Variants in CNTN1 observed in about 807,000 individuals in gnomAD.
CNTN1 encodes contactin 1, also known as contactin-1.
In CNTN1, 38 loss-of-function variants were observed where a neutral mutation model predicts 126.4. That is an observed-to-expected ratio of 0.30 (90% CI 0.23 to 0.39). The LOEUF (loss-of-function observed/expected upper bound fraction) is 0.39. Ranked by LOEUF, CNTN1 falls within the 10% of genes least tolerant of loss-of-function variation. The pLI, the probability that CNTN1 is intolerant of heterozygous loss-of-function variation, is 1.00. For synonymous variants in CNTN1, 413 were observed against 422.6 expected, an observed-to-expected ratio of 0.98 and a Z score of 0.28; for missense variants, 1,009 against 1,248.4, an observed-to-expected ratio of 0.81 and a Z score of 2.89.
Position 41,070,349 on chromosome 12 carries a change from A to G in CNTN1, c.*314A>G. 3 of 410,776 alleles carry G rather than the reference A, an allele frequency of 7.3e-6. No homozygotes were observed. Among genetic ancestry groups the G allele is most frequent in the South Asian group, 6.6e-5 (3 of 45,312 alleles). The allele number at this position is 410,776 out of a possible 1,614,324, so 25.4% of individuals were successfully genotyped here. A position where few individuals can be genotyped will look rare whatever the true frequency, so the allele number is the denominator to read the frequency against. On this transcript the variant is annotated 3_prime_UTR_variant, in exon 24 of 24. Coordinates refer to ENST00000551295, the MANE Select transcript of CNTN1 (RefSeq NM_001843.4). ...GACAAGTTACAGTGTTCAATTCAAT[A>G]CTATAGGCTGTAGAGTGAAAGTCAA...
chr12:40,914,577 A>T (rs897084055), intron 3 of CNTN1, among the ~76,000 whole-genome samples: 2 of 152,200 alleles, frequency 1.3e-5, no homozygotes, highest in African/African-American at 4.8e-5. Context: ...AGAAAAATGA[A>T]TGTGACGTGA....
chr12:40,800,770 G>C (rs1303756411), intron 1 of CNTN1, among the ~76,000 whole-genome samples: 1 of 152,020 alleles, frequency 6.6e-6, no homozygotes, highest in Non-Finnish European at 1.5e-5. Context: ...CATTCTCAAA[G>C]AGCTGAGGAG....
intron 1 of CNTN1, among the ~76,000 whole-genome samples, chr12:40,745,196 T>G (rs889802300): frequency 1.3e-5 from 2 of 152,166 alleles, no homozygotes; most frequent in African/African-American, 4.8e-5. Flanking sequence ...CAGTTTCTCA[T>G]TTTTCCTTAT....
At chr12:40,976,268 A>C (rs1947667256) in intron 15 of CNTN1, among the ~76,000 whole-genome samples, 1 of 152,166 alleles carries the variant, frequency 6.6e-6, no homozygotes, top group South Asian at 2.1e-4. Context: ...AGAAAAACAG[A>C]AGACAAATTT....
At chr12:40,956,522 AG>A (rs1946886923) in intron 14 of CNTN1, among the ~76,000 whole-genome samples, 2 of 152,036 alleles carry the variant, frequency 1.3e-5, no homozygotes, top group Non-Finnish European at 2.9e-5. Flanking sequence ...GTGATAGGGG[AG>A]GGGGTATTGA....
In CNTN1 at chr12:40,862,989, T is replaced by C. The variant is rs192264615; in HGVS notation, c.-76-45368T>C. Among the ~76,000 whole-genome samples, 507 of 152,342 alleles carry C rather than the reference T, an allele frequency of 3.3e-3. 5 individuals carry two copies. The highest frequency in any genetic ancestry group is 0.012 in the African/African-American group (479 of 41,582). ...TTCTCTACCTTATTAAATGAAGATGTATTAAAGAAAGCATGTTTTAACTTT... is the reference window on the plus strand; with the variant it reads ...TTCTCTACCTTATTAAATGAAGATGCATTAAAGAAAGCATGTTTTAACTTT... On this transcript the variant is annotated intron_variant, in intron 1 of 23. Coordinates refer to ENST00000551295, the MANE Select transcript of CNTN1 (RefSeq NM_001843.4).
chr12:40,751,771 C>A (rs988468949), intron 1 of CNTN1, among the ~76,000 whole-genome samples: 1 of 152,190 alleles, frequency 6.6e-6, no homozygotes, highest in South Asian at 2.1e-4. Context: ...AGAGCCATAG[C>A]TTCTTCTCTG....
intron 15 of CNTN1, chr12:40,971,973 G>T (rs1235657074): frequency 4.0e-6 from 4 of 1,001,406 alleles, no homozygotes; most frequent in Admixed American, 6.1e-5. Context: ...GCTAAAAGGG[G>T]CATTACTCCG....
At chr12:40,975,435 T>TA (rs1440302893) in intron 15 of CNTN1, among the ~76,000 whole-genome samples, 2 of 151,884 alleles carry the variant, frequency 1.3e-5, no homozygotes, top group African/African-American at 4.8e-5. Flanking sequence ...TTTACTAGGT[T>TA]AAAAAGTGAC....
intron 1 of CNTN1, among the ~76,000 whole-genome samples, chr12:40,887,374 A>T (rs1193089958): frequency 6.6e-6 from 1 of 152,210 alleles, no homozygotes; most frequent in Non-Finnish European, 1.5e-5. Context: ...GACACTTCTC[A>T]AAAGAAGACA....
intron 23 of CNTN1, among the ~76,000 whole-genome samples, chr12:41,043,362 A>G (rs1949463798): frequency 6.6e-6 from 1 of 152,216 alleles, no homozygotes; most frequent in Non-Finnish European, 1.5e-5. Context: ...ACACTTCTCA[A>G]AAGAAGACAT....
At chr12:41,030,868 G>A (rs1340240788) in intron 23 of CNTN1, among the ~76,000 whole-genome samples, 1 of 152,042 alleles carries the variant, frequency 6.6e-6, no homozygotes, top group Non-Finnish European at 1.5e-5. Context: ...TCTTATTTTT[G>A]AAACATTTTC....
chr12:40,883,397 A>G (rs551765092), intron 1 of CNTN1, among the ~76,000 whole-genome samples: 38 of 151,732 alleles, frequency 2.5e-4, no homozygotes, highest in South Asian at 8.3e-4. Flanking sequence ...GTATTTCTCC[A>G]AACTTAAAGC....
In CNTN1 at chr12:41,070,090, T is replaced by C; in HGVS notation, c.*55T>C. 6.8e-7 allele frequency: 1 copy of C among 1,473,582 alleles called. No individual in the cohort carries two copies. Among genetic ancestry groups the C allele is most frequent in the Non-Finnish European group, 9.5e-7 (1 of 1,053,076 alleles). The allele number at this position is 1,473,582 out of a possible 1,614,324, so 91.3% of individuals were successfully genotyped here. A position where few individuals can be genotyped will look rare whatever the true frequency, so the allele number is the denominator to read the frequency against. Reference sequence around the variant, plus strand: ...CAGCTCAGAAGACACCCTTCAACCCTGGGATGACCACAATTCCTTCCAATT... The same window carrying C: ...CAGCTCAGAAGACACCCTTCAACCCCGGGATGACCACAATTCCTTCCAATT... On this transcript the variant is annotated 3_prime_UTR_variant, in exon 24 of 24. Transcript: ENST00000551295.
At chr12:41,002,046 T>C (rs12580874) in intron 17 of CNTN1, among the ~76,000 whole-genome samples, 15,576 of 152,162 alleles carry the variant, frequency 0.1, 897 homozygotes, top group Non-Finnish European at 0.13. Context: ...AGAATAAAGT[T>C]GGGCAGTGTG....
chr12:40,853,125 C>A (rs1302600554), intron 1 of CNTN1, among the ~76,000 whole-genome samples: 1 of 151,916 alleles, frequency 6.6e-6, no homozygotes, highest in Non-Finnish European at 1.5e-5. Context: ...TTTATAATTT[C>A]TTGCTGACTT....
intron 1 of CNTN1, chr12:40,827,991 T>C (rs1941673412): frequency 6.6e-6 from 1 of 152,206 alleles, no homozygotes; most frequent in Non-Finnish European, 1.5e-5. Context: ...TTTTCAGGCA[T>C]AGAAGCAGCA....
At chr12:40,904,426 T>C (rs960115937) in intron 1 of CNTN1, among the ~76,000 whole-genome samples, 9 of 149,386 alleles carry the variant, frequency 6.0e-5, no homozygotes, top group Non-Finnish European at 1.2e-4. Context: ...CTTTCTTTTT[T>C]TTTCTTTTTT....
At chr12:40,849,740 G>A (rs1316133002) in intron 1 of CNTN1, among the ~76,000 whole-genome samples, 1 of 151,970 alleles carries the variant, frequency 6.6e-6, no homozygotes, top group Non-Finnish European at 1.5e-5. Flanking sequence ...ATAGTGATTT[G>A]TATTATTAAA....
Sources: gnomAD v4.1 joint callset for allele counts (sites outside exome capture counted in the v4.1 genomes callset) on GRCh38, gnomAD v4.1.1 for gene constraint, MANE v1.5 for transcripts, NCBI Gene and HGNC (gene_info 2026-07-23, HGNC 2026-07-21) for gene names.